FOXP4: variants seen among roughly 807,000 people sequenced by gnomAD.
The protein encoded by FOXP4 is forkhead box protein P4.
A neutral mutation model predicts 82.6 loss-of-function variants in FOXP4; 25 were observed. The ratio of observed to expected loss-of-function variants is 0.30; its 90% CI spans 0.22 to 0.42. FOXP4 has a LOEUF of 0.42. Among genes scored for constraint, FOXP4 ranks in the 10% least tolerant of loss-of-function variants. FOXP4 has a pLI of 1.00. For missense variants in FOXP4, 785 were observed against 900.9 expected (o/e 0.87, Z 1.65); for synonymous variants, 415 against 388.2 (o/e 1.07, Z -0.81).
chr6:41,570,801 T>C (rs1562022694), intron 2 of FOXP4, among the ~76,000 whole-genome samples: 1 of 152,128 alleles, frequency 6.6e-6, no homozygotes, highest in Non-Finnish European at 1.5e-5. Context: ...ATCTTGAGGA[T>C]TGAAGTGGGG....
intron 2 of FOXP4, among the ~76,000 whole-genome samples, chr6:41,577,329 G>C (rs1231152984): frequency 6.6e-6 from 1 of 152,174 alleles, no homozygotes; most frequent in Non-Finnish European, 1.5e-5. Context: ...ACGGTACTCA[G>C]ACCTTGTGCC....
chr6:41,598,868 C>T lies in FOXP4; in HGVS notation c.1975C>T (p.Pro659Ser), dbSNP rs1767046383. The T allele has an allele frequency of 6.3e-7, 1 of 1,598,886 alleles. No individual in the cohort carries two copies. Among genetic ancestry groups the T allele is most frequent in the African/African-American group, 1.3e-5 (1 of 74,840 alleles). The change falls in exon 17 of 17, where the codon CCC becomes TCC. Residue 659 changes from proline to serine, a missense_variant. By Grantham distance (74) the Pro-to-Ser change is moderately conservative. Transcript: ENST00000307972. ...CGGGCCTCCCCTGGGCGCCCCTAAC[C>T]CCAGCGCCTCGGGGCCTCCGGAAGA... ...QPGPPLGAPN[P>S]SASGPPEDRD... is the part of the protein sequence containing the mutation.
chr6:41,555,876 G>A (rs1265223102), intron 1 of FOXP4, among the ~76,000 whole-genome samples: 1 of 152,224 alleles, frequency 6.6e-6, no homozygotes. Context: ...AGCTTAATTA[G>A]ACACTTAGAT....
intron 5 of FOXP4, among the ~76,000 whole-genome samples, chr6:41,586,201 T>C (rs747307185): frequency 2.6e-5 from 4 of 152,114 alleles, no homozygotes; most frequent in Admixed American, 1.3e-4. Context: ...AGTCTTGTAA[T>C]TGCTGTGTTA....
intron 1 of FOXP4, among the ~76,000 whole-genome samples, chr6:41,562,615 C>T (rs1764650155): frequency 6.6e-6 from 1 of 152,122 alleles, no homozygotes; most frequent in Non-Finnish European, 1.5e-5. Context: ...TGGAAGGGGG[C>T]CACTCTCCCT....
intron 1 of FOXP4, among the ~76,000 whole-genome samples, chr6:41,547,777 AC>A (rs150273164): frequency 2.2e-4 from 29 of 133,334 alleles, no homozygotes; most frequent in East Asian, 6.7e-4. Flanking sequence ...ACCGAGCAGG[AC>A]CCCCCCCCGC....
Position 41,591,559 on chromosome 6 carries a change from C to G in FOXP4, c.1536+237C>G, listed in dbSNP as rs1368316054. Among the ~76,000 whole-genome samples, 2 of 152,148 alleles carry G rather than the reference C, an allele frequency of 1.3e-5. No individual in the cohort carries two copies. Among genetic ancestry groups the G allele is most frequent in the African/African-American group, 4.8e-5 (2 of 41,412 alleles). Reference sequence around the variant, plus strand: ...CTGGTGCTGCCTCCTTTCTGGGAAGCAATCCTTCTCTAGGGTACACCCCCA... The same window carrying G: ...CTGGTGCTGCCTCCTTTCTGGGAAGGAATCCTTCTCTAGGGTACACCCCCA... On this transcript the variant is annotated intron_variant, in intron 13 of 16. Transcript: ENST00000307972. This position sits in a 1 kb window ranked among gnomAD's most constrained non-coding sequence, Gnocchi z 4.2.
At position 41,546,711 on chromosome 6, in the gene FOXP4, G is replaced by A. The variant is rs1311104499; in HGVS notation, c.-173G>A. ...GGTTGAGGCGCGCGGCGGTCGGCCC[G>A]GCGCGCTGGGAGGACGCCCGGGAGC... is the stretch of plus-strand genomic sequence containing the variant. On this transcript the variant is annotated 5_prime_UTR_variant, in exon 1 of 17. Coordinates refer to ENST00000307972, the MANE Select transcript of FOXP4 (RefSeq NM_001012426.2). 1.4e-5 allele frequency: 2 copies of A among 146,910 alleles called. No homozygotes were observed. The highest frequency in any genetic ancestry group is 6.8e-5 in the Admixed American group (1 of 14,788). 9.1% of individuals were successfully genotyped at this position (146,910 alleles called of 1,614,324 possible). A position where few individuals can be genotyped will look rare whatever the true frequency, so the allele number is the denominator to read the frequency against.
chr6:41,562,304 A>T (rs527254954), intron 1 of FOXP4, among the ~76,000 whole-genome samples: 1 of 152,290 alleles, frequency 6.6e-6, no homozygotes, highest in Admixed American at 6.5e-5. Flanking sequence ...GGGGCAGAGC[A>T]TGCCACATGG....
chr6:41,577,012 C>T (rs1038043343), intron 2 of FOXP4, among the ~76,000 whole-genome samples: 10 of 152,232 alleles, frequency 6.6e-5, no homozygotes, highest in Admixed American at 5.9e-4. Flanking sequence ...GCTTGACTGG[C>T]CTCATAGATA....
intron 9 of FOXP4, among the ~76,000 whole-genome samples, chr6:41,589,177 C>G (rs1029339940): frequency 6.6e-6 from 1 of 152,196 alleles, no homozygotes; most frequent in Non-Finnish European, 1.5e-5. Flanking sequence ...GGATTAGAAC[C>G]CAGGCAGCCT....
Position 41,597,819 on chromosome 6 carries a change from C to G in FOXP4, c.1764C>G (p.Ser588Arg). The G allele has an allele frequency of 6.2e-7, 1 of 1,607,256 alleles. No homozygotes were observed. Among genetic ancestry groups the G allele is most frequent in the Non-Finnish European group, 8.5e-7 (1 of 1,179,194 alleles). ...LAESSFPLLNSPGMLNPGSAS... is the reference protein window; with the variant it reads ...LAESSFPLLNRPGMLNPGSAS... ...AGAGCAGCTTCCCCCTCCTCAACAG[C>G]CCTGGCATGCTGAACCCTGGCTCCG... The change falls in exon 16 of 17, where the codon AGC (serine) becomes AGG (arginine). Residue 588 changes from serine (S) to arginine (R), a missense_variant. By Grantham distance (110) the Ser-to-Arg change is moderately radical. Around this residue, in one of 3 missense-constraint regions of FOXP4, gnomAD observed 184 missense variants for 187.3 expected, o/e 0.98. Coordinates refer to ENST00000307972, the MANE Select transcript of FOXP4 (RefSeq NM_001012426.2).
At chr6:41,559,709 G>A (rs1008462380) in intron 1 of FOXP4, among the ~76,000 whole-genome samples, 3 of 152,148 alleles carry the variant, frequency 2.0e-5, no homozygotes, top group Non-Finnish European at 4.4e-5. Context: ...TGATTGAATG[G>A]CTTTTGCAGA....
At chr6:41,578,228 A>C in intron 3 of FOXP4, 147 bp downstream of exon 3, 1 of 654,514 alleles carries the variant, frequency 1.5e-6, no homozygotes, top group Non-Finnish European at 2.6e-6. Flanking sequence ...CAGTCACTGC[A>C]GGGGTGGGGC....
At chr6:41,597,737 A>G in intron 15 of FOXP4, 44 bp from the exon 16 acceptor site, 1 of 1,587,666 alleles carries the variant, frequency 6.3e-7, no homozygotes, top group Admixed American at 1.7e-5. Flanking sequence ...AGTGTGCCCC[A>G]TCCTGTGGAG....
At chr6:41,566,363 A>G (rs1301473224) in intron 2 of FOXP4, among the ~76,000 whole-genome samples, 1 of 152,222 alleles carries the variant, frequency 6.6e-6, no homozygotes, top group Non-Finnish European at 1.5e-5. Flanking sequence ...TGCTGTGCAC[A>G]CAGGGGGATC....
At chr6:41,568,926 C>G (rs1341992427) in intron 2 of FOXP4, among the ~76,000 whole-genome samples, 1 of 152,212 alleles carries the variant, frequency 6.6e-6, no homozygotes, top group African/African-American at 2.4e-5. Flanking sequence ...GCACTTGTTT[C>G]CATGCAACGA....
chr6:41,559,095 C>T (rs1764431034), intron 1 of FOXP4, among the ~76,000 whole-genome samples: 1 of 152,186 alleles, frequency 6.6e-6, no homozygotes, highest in Non-Finnish European at 1.5e-5. Flanking sequence ...CCAGTACCTA[C>T]TCAGCCTTCA....
chr6:41,556,204 C>T (rs1456910791), intron 1 of FOXP4, among the ~76,000 whole-genome samples: 2 of 152,012 alleles, frequency 1.3e-5, no homozygotes, highest in Non-Finnish European at 2.9e-5. Context: ...GTCAGGTAAC[C>T]TTGTCAAGTC....
Sources: allele counts gnomAD v4.1 joint callset (sites outside exome capture counted in the v4.1 genomes callset), GRCh38; gene constraint gnomAD v4.1.1; regional missense constraint gnomAD v4.1.1; non-coding constraint Gnocchi (gnomAD v3.1); transcripts MANE v1.5; gene names NCBI Gene and HGNC (gene_info 2026-07-23, HGNC 2026-07-21).